The following RAB37 variants were observed in gnomAD, a reference collection of about 807,000 sequenced individuals.
The protein encoded by RAB37 is ras-related protein Rab-37.
Under a neutral mutation model 33.1 loss-of-function variants are expected in RAB37, and 29 were observed. That is an observed-to-expected ratio of 0.88 (90% CI 0.65 to 1.20). The LOEUF is 1.20. RAB37 is among the 50% of genes most tolerant of loss of function. The probability of loss-of-function intolerance (pLI) is 0.00; values close to 1 mark genes in which losing one functional copy is unlikely to be tolerated. For missense variants in RAB37, 299 were observed against 301.1 expected (o/e 0.99, Z 0.05); for synonymous variants, 128 against 119.5 (o/e 1.07, Z -0.47).
intron 1 of RAB37, chr17:74,704,777 A>G (rs1440764865): frequency 6.2e-7 from 1 of 1,614,044 alleles, no homozygotes. Context: ...CAAGCCATTC[A>G]CTGTTGTTGG....
intron 1 of RAB37, among the ~76,000 whole-genome samples, chr17:74,718,502 A>G (rs1300822413): frequency 1.3e-5 from 2 of 152,160 alleles, no homozygotes; most frequent in African/African-American, 2.4e-5. Flanking sequence ...AAGAGCTGCA[A>G]TTGAGGCTCC....
At chr17:74,685,227 C>G (rs530207319) in intron 1 of RAB37, among the ~76,000 whole-genome samples, 32 of 152,244 alleles carry the variant, frequency 2.1e-4, no homozygotes, top group African/African-American at 7.7e-4. Context: ...CTCTGTCACC[C>G]AGGCTAGAGT....
At chr17:74,708,185 A>C (rs1016144313) in intron 1 of RAB37, among the ~76,000 whole-genome samples, 1 of 151,524 alleles carries the variant, frequency 6.6e-6, no homozygotes. Context: ...GAAAGAAAAG[A>C]AAAAAAATAC....
chr17:74,699,232 TTTTAAAAGGAGAAAAGGGTTCC>T (rs1567786287), intron 1 of RAB37, among the ~76,000 whole-genome samples: 1 of 152,042 alleles, frequency 6.6e-6, no homozygotes, highest in Non-Finnish European at 1.5e-5. Context: ...AAAAGATAGT[TTTTAAAAGGAGAAAAGGGTTCC>T]ATGAGGTGGT....
intron 1 of RAB37, among the ~76,000 whole-genome samples, chr17:74,714,975 A>T (rs935844315): frequency 1.3e-5 from 2 of 152,142 alleles, no homozygotes; most frequent in African/African-American, 2.4e-5. Flanking sequence ...TACAAAACTT[A>T]GCCGGGTGTG....
chr17:74,701,522 C>G (rs1468546373), intron 1 of RAB37, among the ~76,000 whole-genome samples: 1 of 152,166 alleles, frequency 6.6e-6, no homozygotes, highest in Admixed American at 6.5e-5. Flanking sequence ...AGAAAATAAA[C>G]TTTCAAATCA....
At chr17:74,743,609 G>A (rs923740383) in intron 5 of RAB37, among the ~76,000 whole-genome samples, 1 of 152,142 alleles carries the variant, frequency 6.6e-6, no homozygotes, top group African/African-American at 2.4e-5. Context: ...AAAGTGTTCA[G>A]AACAGCCCCC....
At chr17:74,700,634 C>A (rs770212217) in intron 1 of RAB37, among the ~76,000 whole-genome samples, 2 of 152,022 alleles carry the variant, frequency 1.3e-5, no homozygotes, top group Non-Finnish European at 2.9e-5. Context: ...CCTGGCTACT[C>A]CCAGCTGCTT....
intron 1 of RAB37, chr17:74,696,069 T>C: frequency 7.5e-7 from 1 of 1,328,622 alleles, no homozygotes; most frequent in Non-Finnish European, 1.0e-6. Flanking sequence ...CCCTGCAGGG[T>C]GCCATGAGGA....
chr17:74,718,592 T>C (rs961297679), intron 1 of RAB37, among the ~76,000 whole-genome samples: 2 of 152,182 alleles, frequency 1.3e-5, no homozygotes, highest in African/African-American at 4.8e-5. Context: ...CAAGCGTTTG[T>C]TCAGCAACAG....
At chr17:74,704,963 T>A in intron 1 of RAB37, 1 of 666,858 alleles carries the variant, frequency 1.5e-6, no homozygotes, top group South Asian at 1.9e-5. Context: ...AAAACTTTTG[T>A]CCTTCAGCTT....
At chr17:74,714,106 G>A (rs1420082458) in intron 1 of RAB37, among the ~76,000 whole-genome samples, 1 of 151,986 alleles carries the variant, frequency 6.6e-6, no homozygotes, top group Admixed American at 6.6e-5. Flanking sequence ...AGTGACTCGG[G>A]AGGCCGAGGT....
intron 3 of RAB37, 88 bp from the exon 4 acceptor site, chr17:74,743,041 T>C (rs2034659664): frequency 3.4e-6 from 4 of 1,176,344 alleles, no homozygotes; most frequent in Admixed American, 3.8e-5. Flanking sequence ...CCCACAGATA[T>C]CTCATACAAC....
chr17:74,736,816 C>G, upstream of RAB37: 1 of 1,534,366 alleles, frequency 6.5e-7, no homozygotes, highest in Non-Finnish European at 8.7e-7. Flanking sequence ...TCGGGGCCAT[C>G]GGCGGAGGCG....
rs372574297 is a variant in RAB37, at chr17:74,695,660, G to T, written c.72+24002G>T. On this transcript the variant is annotated intron_variant, in intron 1 of 7. Transcript: ENST00000340415. ...AGCAGGAGAAAGCCCACCCTCCAAC[G>T]GGGTGCAACGGCAGGCCTGTGTCCC... 7.5e-6 allele frequency: 12 copies of T among 1,608,726 alleles called. No homozygotes were observed. In the East Asian group the frequency reaches 2.5e-4, roughly 33 times the overall value.
chr17:74,727,409 G>T (rs1193335749), intron 1 of RAB37, among the ~76,000 whole-genome samples: 1 of 152,238 alleles, frequency 6.6e-6, no homozygotes, highest in Non-Finnish European at 1.5e-5. Flanking sequence ...CCCCGTGAAG[G>T]AAAGAGGGCA....
chr17:74,737,148 G>C (rs976049681), upstream of RAB37: 126 of 1,578,570 alleles, frequency 8.0e-5, no homozygotes, highest in Non-Finnish European at 1.1e-4. Flanking sequence ...GGGGGCGACG[G>C]GACGGAGGGA....
chr17:74,715,488 C>T (rs1164433278), intron 1 of RAB37, among the ~76,000 whole-genome samples: 1 of 152,204 alleles, frequency 6.6e-6, no homozygotes, highest in East Asian at 1.9e-4. Context: ...TGCAGATACT[C>T]AGAGAGCAAT....
At chr17:74,734,723 A>G (rs2034439900), upstream of RAB37, among the ~76,000 whole-genome samples, 1 of 151,932 alleles carries the variant, frequency 6.6e-6, no homozygotes, top group African/African-American at 2.4e-5. Context: ...GGCACCTGTT[A>G]TCCCAGCTAC....
Sources: allele counts gnomAD v4.1 joint callset (sites outside exome capture counted in the v4.1 genomes callset), GRCh38; gene constraint gnomAD v4.1.1; transcripts MANE v1.5; gene names NCBI Gene and HGNC (gene_info 2026-07-23, HGNC 2026-07-21).